Variants in SHISA6 observed in about 807,000 individuals in gnomAD.
The protein encoded by SHISA6 is shisa family member 6.
In SHISA6, 22 loss-of-function variants were observed where a neutral mutation model predicts 47.9. That is an observed-to-expected ratio of 0.46 (90% CI 0.33 to 0.66). SHISA6 has a LOEUF of 0.66. Ranked by LOEUF, SHISA6 falls within the 30% of genes least tolerant of loss-of-function variation. The pLI, the probability that SHISA6 is intolerant of heterozygous loss-of-function variation, is 0.02. For synonymous variants in SHISA6, 388 were observed against 337.8 expected, an observed-to-expected ratio of 1.15 and a Z score of -1.63; for missense variants, 680 against 764.6, an observed-to-expected ratio of 0.89 and a Z score of 1.30.
chr17:11,307,715 C>T (rs987483485), intron 2 of SHISA6, among the ~76,000 whole-genome samples: 1 of 152,142 alleles, frequency 6.6e-6, no homozygotes, highest in Non-Finnish European at 1.5e-5. Context: ...AGTCTATGCT[C>T]TCATGAAGTT....
At chr17:11,300,149 C>CAAAAAAAAAAAAAAA (rs56060137) in intron 2 of SHISA6, among the ~76,000 whole-genome samples, 7 of 129,144 alleles carry the variant, frequency 5.4e-5, no homozygotes, top group East Asian at 2.3e-4. Flanking sequence ...CATCTTAAAA[C>CAAAAAAAAAAAAAAA]AAAAAAAAAA....
At chr17:11,386,266 T>C (rs1289041040) in intron 3 of SHISA6, among the ~76,000 whole-genome samples, 3 of 152,038 alleles carry the variant, frequency 2.0e-5, no homozygotes, top group Admixed American at 1.3e-4. Context: ...TTGCAGCTAC[T>C]TGGGAGGCTG....
chr17:11,276,708 C>T (rs895973228), intron 2 of SHISA6, among the ~76,000 whole-genome samples: 4 of 151,960 alleles, frequency 2.6e-5, no homozygotes, highest in African/African-American at 9.7e-5. Context: ...ACCATCACCA[C>T]CATTATCATC....
At chr17:11,313,205 A>G (rs1294463563) in intron 2 of SHISA6, among the ~76,000 whole-genome samples, 2 of 152,192 alleles carry the variant, frequency 1.3e-5, no homozygotes, top group African/African-American at 4.8e-5. Context: ...ACCTCTCTCT[A>G]TAACTTCAGT....
intron 3 of SHISA6, among the ~76,000 whole-genome samples, chr17:11,514,224 T>C (rs1048496728): frequency 6.6e-6 from 1 of 152,198 alleles, no homozygotes; most frequent in Non-Finnish European, 1.5e-5. Context: ...TCCTGTCTTT[T>C]AATGGTGATT....
In SHISA6 at chr17:11,269,824, G is replaced by A. The variant is rs77912173; in HGVS notation, c.799+6298G>A. Among the ~76,000 whole-genome samples the A allele has an allele frequency of 1.4e-3, 214 of 152,264 alleles. 1 individual carries two copies. The highest frequency in any genetic ancestry group is 5.0e-3 in the African/African-American group (208 of 41,544). On this transcript the variant is annotated intron_variant, in intron 2 of 5. Transcript: ENST00000441885. ...CACAGGGGTCACTTAAGTGGGAGGTGACATCAATGTAGGTATAAAGCAATC... is the reference window on the plus strand; with the variant it reads ...CACAGGGGTCACTTAAGTGGGAGGTAACATCAATGTAGGTATAAAGCAATC...
Position 11,559,873 on chromosome 17 carries a change from G to T in SHISA6, c.*1569G>T, listed in dbSNP as rs969101962. The T allele has an allele frequency of 6.6e-6, 1 of 152,272 alleles. No homozygotes were observed. The highest frequency in any genetic ancestry group is 1.5e-5 in the Non-Finnish European group (1 of 68,106). 9.4% of individuals were successfully genotyped at this position (152,272 alleles called of 1,614,324 possible). ...GCATCCGCTCCCCCAAGACCAGAGA[G>T]CCTGGTGGGGGAAAGAAGGGGTTCC... is the stretch of plus-strand genomic sequence containing the variant. On this transcript the variant is annotated 3_prime_UTR_variant, in exon 6 of 6. Coordinates refer to ENST00000441885, the MANE Select transcript of SHISA6 (RefSeq NM_207386.4). The surrounding 1 kb of genome is among the most constrained non-coding windows in gnomAD (Gnocchi z 4.4).
intron 3 of SHISA6, among the ~76,000 whole-genome samples, chr17:11,445,144 T>A (rs1054519290): frequency 2.6e-5 from 4 of 152,220 alleles, no homozygotes; most frequent in Non-Finnish European, 4.4e-5. Context: ...TTTTTCCCGG[T>A]GGTAGACAAC....
chr17:11,492,390 C>T (rs1486851376), intron 3 of SHISA6, among the ~76,000 whole-genome samples: 2 of 152,186 alleles, frequency 1.3e-5, no homozygotes, highest in African/African-American at 4.8e-5. Flanking sequence ...CTTGGTGATT[C>T]GGTAGAGAAT....
intron 2 of SHISA6, chr17:11,289,745 A>G (rs1467570634): frequency 6.6e-6 from 1 of 152,052 alleles, no homozygotes; most frequent in Admixed American, 6.5e-5. Flanking sequence ...AGCTGCAAAC[A>G]GCCTCTGATT....
At chr17:11,459,571 G>A (rs1915646630) in intron 3 of SHISA6, among the ~76,000 whole-genome samples, 1 of 152,192 alleles carries the variant, frequency 6.6e-6, no homozygotes, top group African/African-American at 2.4e-5. Context: ...TTTCTGCCTG[G>A]ATCCAGCCTT....
intron 3 of SHISA6, among the ~76,000 whole-genome samples, chr17:11,395,046 G>A (rs1487516395): frequency 1.5e-5 from 2 of 131,864 alleles, no homozygotes; most frequent in Admixed American, 9.0e-5. Context: ...CTGTTGCCCA[G>A]GCTGGAGTGC....
rs572993619 is a variant in SHISA6 at position 11,555,707 on chromosome 17, A to G, written c.953-33A>G. 7 of 1,505,184 alleles carry G rather than the reference A, an allele frequency of 4.7e-6. No homozygotes were observed. The African/African-American group carries it at 9.8e-5, about 21-fold the overall frequency. The allele number at this position is 1,505,184 out of a possible 1,614,324, so 93.2% of individuals were successfully genotyped here. A position where few individuals can be genotyped will look rare whatever the true frequency, so the allele number is the denominator to read the frequency against. ...CACACCTGCCACAGACATGGTCCTC[A>G]TTAATACAAAACACCCCTCCCTTTT... On this transcript the variant is annotated intron_variant, in intron 4 of 5. Coordinates refer to ENST00000441885, the MANE Select transcript of SHISA6 (RefSeq NM_207386.4).
At chr17:11,524,101 GAGAA>G (rs1168169872) in intron 3 of SHISA6, among the ~76,000 whole-genome samples, 2 of 150,242 alleles carry the variant, frequency 1.3e-5, no homozygotes, top group South Asian at 2.1e-4. Flanking sequence ...AAGAAAGAAA[GAGAA>G]AGAAAGAAAA....
chr17:11,464,952 A>C (rs1276663531), intron 3 of SHISA6, among the ~76,000 whole-genome samples: 4 of 151,842 alleles, frequency 2.6e-5, no homozygotes, highest in East Asian at 1.9e-4. Context: ...AAAAAAAAAA[A>C]AACCCTTTTA....
At chr17:11,511,660 AAATG>A (rs1239613600) in intron 3 of SHISA6, among the ~76,000 whole-genome samples, 1 of 152,228 alleles carries the variant, frequency 6.6e-6, no homozygotes, top group Non-Finnish European at 1.5e-5. Flanking sequence ...AAGCTATAGA[AAATG>A]AAGTTGTAAA....
intron 1 of SHISA6, among the ~76,000 whole-genome samples, chr17:11,245,701 T>C (rs1907549748): frequency 8.1e-6 from 1 of 123,296 alleles, no homozygotes; most frequent in Non-Finnish European, 1.6e-5. Flanking sequence ...CCCTGGGTCC[T>C]TCCACTGCCT....
At chr17:11,489,413 A>C (rs566554255) in intron 3 of SHISA6, among the ~76,000 whole-genome samples, 1 of 152,116 alleles carries the variant, frequency 6.6e-6, no homozygotes, top group Non-Finnish European at 1.5e-5. Flanking sequence ...TTGAGTGTCT[A>C]GCTTTAGTCT....
intron 3 of SHISA6, among the ~76,000 whole-genome samples, chr17:11,501,023 A>G (rs2071447893): frequency 1.3e-5 from 2 of 152,220 alleles, no homozygotes; most frequent in South Asian, 2.1e-4. Context: ...GCAACTTGCC[A>G]TGAATACATA....
Sources: gnomAD v4.1 joint callset for allele counts (sites outside exome capture counted in the v4.1 genomes callset) on GRCh38, gnomAD v4.1.1 for gene constraint, Gnocchi (gnomAD v3.1) non-coding constraint, MANE v1.5 for transcripts, NCBI Gene and HGNC (gene_info 2026-07-23, HGNC 2026-07-21) for gene names.